APTX: variants seen among roughly 807,000 people sequenced by gnomAD.
The protein encoded by APTX is aprataxin, also known as forkhead-associated domain histidine triad-like protein.
APTX carries 33 observed loss-of-function variants against 42.3 expected under a neutral mutation model. The ratio of observed to expected loss-of-function variants is 0.78; its 90% CI spans 0.59 to 1.04. The LOEUF (loss-of-function observed/expected upper bound fraction) is 1.04. Ranked by LOEUF, APTX falls within the 50% of genes least tolerant of loss-of-function variation. The probability of loss-of-function intolerance (pLI) is 0.00; values close to 1 mark genes in which losing one functional copy is unlikely to be tolerated. For missense variants in APTX, 421 were observed against 415.1 expected (o/e 1.01, Z -0.12); for synonymous variants, 130 against 146.7 (o/e 0.89, Z 0.82).
At chr9:33,000,852 T>C (rs900474502) in intron 1 of APTX, among the ~76,000 whole-genome samples, 19 of 141,628 alleles carry the variant, frequency 1.3e-4, no homozygotes, top group Admixed American at 9.9e-4. Context: ...TTTCTTTTTT[T>C]TTTTTTTTTT....
At chr9:33,003,805 C>A (rs1013817746), upstream of APTX, among the ~76,000 whole-genome samples, 19 of 151,978 alleles carry the variant, frequency 1.3e-4, no homozygotes, top group South Asian at 2.1e-4. Flanking sequence ...ATAATGTCCT[C>A]AAGTTTCATC....
At chr9:33,007,791 T>C (rs899743348) in intron 1 of APTX, among the ~76,000 whole-genome samples, 3 of 151,924 alleles carry the variant, frequency 2.0e-5, no homozygotes, top group Admixed American at 2.0e-4. Context: ...TAGGTAAACA[T>C]GTTTTCTCAC....
chr9:32,975,900 C>T (rs1829265374), intron 6 of APTX, among the ~76,000 whole-genome samples: 2 of 152,082 alleles, frequency 1.3e-5, no homozygotes, highest in African/African-American at 2.4e-5. Flanking sequence ...GAGTGCAAAG[C>T]ATATACTGAG....
chr9:33,018,354 G>A (rs983949437), intron 1 of APTX, among the ~76,000 whole-genome samples: 2 of 151,800 alleles, frequency 1.3e-5, no homozygotes, highest in African/African-American at 4.8e-5. Flanking sequence ...GATCACCTGA[G>A]GTCAGGATTT....
Position 32,987,662 on chromosome 9 carries a change from T to C in APTX, c.365A>G (p.Asp122Gly). Residue 122 changes from aspartate (D) to glycine (G), a missense_variant, in exon 4 of 8, where the codon GAT (aspartate) becomes GGT (glycine). Physicochemically the swap from Asp to Gly is moderately conservative, Grantham distance 94. Coordinates refer to ENST00000379817, the MANE Select transcript of APTX (RefSeq NM_001195248.2). Reference sequence around the variant, plus strand: ...CTGAGCAGCATCCCTTTCTATAGAATCACTGTTGCCTGATCTCTTTCTCTT... The same window carrying C: ...CTGAGCAGCATCCCTTTCTATAGAACCACTGTTGCCTGATCTCTTTCTCTT... ...HRKRKRSGNSDSIERDAAQEA... is the reference protein window; with the variant it reads ...HRKRKRSGNSGSIERDAAQEA... The C allele has an allele frequency of 1.2e-6, 2 of 1,614,218 alleles. No homozygotes were observed. The highest frequency in any genetic ancestry group is 2.2e-5 in the East Asian group (1 of 44,890).
chr9:33,009,525 T>A (rs914043119), intron 1 of APTX, among the ~76,000 whole-genome samples: 1 of 152,164 alleles, frequency 6.6e-6, no homozygotes, highest in African/African-American at 2.4e-5. Flanking sequence ...ATGCCTGTAA[T>A]CCCAGCATTT....
rs1563970063 is a variant in APTX at position 32,988,686 on chromosome 9, G to GGAAAAA, written c.134-558_134-557insTTTTTC. ...ACAGAGTGAGACCCTATCTCAGGAG[G>GGAAAAA]AAAAAAAAAAAAAAAAAAAAAAAAA... On this transcript the variant is annotated intron_variant, in intron 2 of 7. Transcript: ENST00000379817. Among the ~76,000 whole-genome samples the GGAAAAA allele has an allele frequency of 2.8e-5, 2 of 70,888 alleles. 1 individual carries two copies. 46.5% of individuals were successfully genotyped at this position (70,888 alleles called of 152,430 possible). A position where few individuals can be genotyped will look rare whatever the true frequency, so the allele number is the denominator to read the frequency against.
chr9:32,990,246 C>T (rs1833265737), intron 1 of APTX, among the ~76,000 whole-genome samples: 1 of 152,168 alleles, frequency 6.6e-6, no homozygotes, highest in South Asian at 2.1e-4. Context: ...AATCTCGGCT[C>T]ACGGCAACCT....
chr9:32,991,577 T>G, intron 1 of APTX, among the ~76,000 whole-genome samples: 1 of 150,996 alleles, frequency 6.6e-6, no homozygotes, highest in Non-Finnish European at 1.5e-5. Flanking sequence ...AGGTCAGGAG[T>G]TTGTGACCAG....
At chr9:33,010,288 T>C (rs545738054) in intron 1 of APTX, among the ~76,000 whole-genome samples, 2 of 152,298 alleles carry the variant, frequency 1.3e-5, no homozygotes, top group African/African-American at 2.4e-5. Context: ...TCTCAGGGTC[T>C]TGGCCTCCAG....
upstream of APTX, among the ~76,000 whole-genome samples, chr9:33,004,702 G>A (rs1426696037): frequency 6.9e-6 from 1 of 144,140 alleles, no homozygotes; most frequent in Non-Finnish European, 1.5e-5. Context: ...GTGCAATCTC[G>A]GCTCCCTGCA....
chr9:32,995,166 T>A (rs1834531206), intron 1 of APTX, among the ~76,000 whole-genome samples: 1 of 152,192 alleles, frequency 6.6e-6, no homozygotes, highest in Admixed American at 6.5e-5. Context: ...GACTTTCAAG[T>A]GTTATTAATT....
chr9:32,998,209 G>A (rs909052143), intron 1 of APTX, among the ~76,000 whole-genome samples: 2 of 152,206 alleles, frequency 1.3e-5, no homozygotes, highest in Non-Finnish European at 2.9e-5. Context: ...GTAAAGCTCA[G>A]AGAGGTCTAA....
intron 1 of APTX, among the ~76,000 whole-genome samples, chr9:32,994,276 G>C (rs1194465416): frequency 1.3e-5 from 2 of 152,128 alleles, no homozygotes; most frequent in Non-Finnish European, 2.9e-5. Flanking sequence ...TTACTTAATA[G>C]TTAAATAACT....
In APTX at chr9:32,987,552, T is replaced by A. The variant is rs1482050669; in HGVS notation, c.475A>T (p.Ile159Phe). ...VPLKKGKDAP[I>F]KKESLGHWSQ... ...AATCACACTACCCTCACCTTTTTGA[T>A]AGGTGCATCTTTTCCCTTCTTTAGG... The change falls in exon 4 of 8, where the codon ATC (isoleucine) becomes TTC (phenylalanine). Residue 159 changes from isoleucine (I) to phenylalanine (F), a missense_variant. Physicochemically the swap from Ile to Phe is conservative, Grantham distance 21. Coordinates refer to ENST00000379817, the MANE Select transcript of APTX (RefSeq NM_001195248.2). 1 of 1,613,862 alleles carries A rather than the reference T, an allele frequency of 6.2e-7. No individual in the cohort carries two copies. The highest frequency in any genetic ancestry group is 1.1e-5 in the South Asian group (1 of 91,086).
chr9:32,998,493 G>C (rs1481171932), intron 1 of APTX, among the ~76,000 whole-genome samples: 1 of 152,058 alleles, frequency 6.6e-6, no homozygotes, highest in Non-Finnish European at 1.5e-5. Flanking sequence ...ATGATAGACT[G>C]GATAAAGAAA....
chr9:32,993,435 A>T (rs1834105855), intron 1 of APTX, among the ~76,000 whole-genome samples: 1 of 152,228 alleles, frequency 6.6e-6, no homozygotes. Context: ...GAAAACTATG[A>T]CAATAGAGGT....
At chr9:32,998,387 T>C (rs1306319520) in intron 1 of APTX, among the ~76,000 whole-genome samples, 2 of 152,210 alleles carry the variant, frequency 1.3e-5, no homozygotes, top group Non-Finnish European at 2.9e-5. Flanking sequence ...GGTATAATCA[T>C]TTTATAAAAA....
At chr9:33,013,581 C>G (rs1458893742) in intron 1 of APTX, among the ~76,000 whole-genome samples, 1 of 152,134 alleles carries the variant, frequency 6.6e-6, no homozygotes, top group African/African-American at 2.4e-5. Context: ...CCAAGGCGGG[C>G]AGATCACAAG....
Sources: gnomAD v4.1 joint callset for allele counts (sites outside exome capture counted in the v4.1 genomes callset) on GRCh38, gnomAD v4.1.1 for gene constraint, MANE v1.5 for transcripts, NCBI Gene and HGNC (gene_info 2026-07-23, HGNC 2026-07-21) for gene names.